The following DLG1 variants were observed in gnomAD, a reference collection of about 807,000 sequenced individuals.
DLG1 encodes the protein disks large homolog 1.
DLG1 carries 42 observed loss-of-function variants against 123.4 expected under a neutral mutation model. That is an observed-to-expected ratio of 0.34 (90% CI 0.27 to 0.44). DLG1 has a LOEUF of 0.44. Ranked by LOEUF, DLG1 falls within the 20% of genes least tolerant of loss-of-function variation. The pLI, the probability that DLG1 is intolerant of heterozygous loss-of-function variation, is 1.00. For synonymous variants in DLG1, 317 were observed against 356.2 expected, an observed-to-expected ratio of 0.89 and a Z score of 1.24; for missense variants, 942 against 1,082.6, an observed-to-expected ratio of 0.87 and a Z score of 1.82.
intron 16 of DLG1, 192 bp downstream of exon 16, chr3:197,085,388 T>C (rs1753708666): frequency 3.5e-6 from 2 of 574,410 alleles, no homozygotes; most frequent in Non-Finnish European, 3.1e-6. Context: ...ACCATTCTTC[T>C]CTGTATGACT....
chr3:197,256,796 A>C (rs1464204819), intron 4 of DLG1, among the ~76,000 whole-genome samples: 1 of 152,216 alleles, frequency 6.6e-6, no homozygotes, highest in African/African-American at 2.4e-5. Context: ...TAAAATGAGG[A>C]GCTAAGACTA....
chr3:197,226,440 T>C (rs1415811588), intron 4 of DLG1: 1 of 152,224 alleles, frequency 6.6e-6, no homozygotes, highest in Non-Finnish European at 1.5e-5. Context: ...AGGGATTCAT[T>C]ACACGGTTCA....
intron 5 of DLG1, among the ~76,000 whole-genome samples, chr3:197,167,774 T>C (rs139626829): frequency 7.2e-5 from 11 of 152,306 alleles, no homozygotes; most frequent in Admixed American, 2.0e-4. Flanking sequence ...CATACATCTA[T>C]GAAGCCACTG....
At chr3:197,213,893 T>C (rs1732615218) in intron 4 of DLG1, among the ~76,000 whole-genome samples, 1 of 152,266 alleles carries the variant, frequency 6.6e-6, no homozygotes, top group South Asian at 2.1e-4. Flanking sequence ...AAAACTGGCA[T>C]ATGAGAAGAA....
At chr3:197,286,946 C>T (rs1029122750) in intron 3 of DLG1, among the ~76,000 whole-genome samples, 2 of 151,512 alleles carry the variant, frequency 1.3e-5, no homozygotes, top group Non-Finnish European at 2.9e-5. Flanking sequence ...AGCTGCAGTA[C>T]AGTAGCGCCT....
intron 11 of DLG1, among the ~76,000 whole-genome samples, chr3:197,120,166 T>C (rs959910803): frequency 2.7e-5 from 4 of 148,618 alleles, no homozygotes; most frequent in Admixed American, 2.0e-4. Flanking sequence ...GAGGCTGAGG[T>C]GGGAGAATTG....
chr3:197,074,127 C>A (rs1344309709), intron 18 of DLG1, among the ~76,000 whole-genome samples: 2 of 152,028 alleles, frequency 1.3e-5, no homozygotes, highest in Non-Finnish European at 2.9e-5. Flanking sequence ...TATGTGATAA[C>A]CTCCATCATA....
chr3:197,252,953 T>G (rs1755172087), intron 4 of DLG1, among the ~76,000 whole-genome samples: 1 of 152,130 alleles, frequency 6.6e-6, no homozygotes, highest in African/African-American at 2.4e-5. Context: ...AAAAAAATAC[T>G]AACCCAAAAT....
chr3:197,197,448 T>C (rs1299760677), intron 4 of DLG1, among the ~76,000 whole-genome samples: 4 of 152,238 alleles, frequency 2.6e-5, no homozygotes. Context: ...ATACTTCACC[T>C]ACTATTTGGT....
intron 16 of DLG1, 128 bp downstream of exon 16, chr3:197,085,452 G>A (rs1753759231): frequency 1.2e-5 from 11 of 911,226 alleles, no homozygotes; most frequent in Middle Eastern, 2.2e-4. Flanking sequence ...TTGTCTTTCT[G>A]TGTCTGGCTT....
intron 4 of DLG1, among the ~76,000 whole-genome samples, chr3:197,225,197 A>G (rs1028538810): frequency 3.3e-5 from 5 of 152,202 alleles, no homozygotes; most frequent in African/African-American, 4.8e-5. Flanking sequence ...TGACCTCATG[A>G]TCTACCTGCC....
intron 18 of DLG1, among the ~76,000 whole-genome samples, chr3:197,072,783 C>T (rs1360211665): frequency 3.3e-5 from 5 of 152,060 alleles, no homozygotes; most frequent in Non-Finnish European, 5.9e-5. Context: ...ACCTTCACCT[C>T]CCGGGTTCAA....
rs575343135 is a variant in DLG1, at chr3:197,123,434, A to C, written c.1166-3904T>G. On this transcript the variant is annotated intron_variant, in intron 11 of 24. Transcript: ENST00000667157. ...AATAAAACCAATGGAAAAATGTAAA[A>C]AGATTTGAACAGACATTGCATTGAA... Among the ~76,000 whole-genome samples the C allele has an allele frequency of 6.9e-4, 105 of 152,328 alleles. 1 individual carries two copies. The highest frequency in any genetic ancestry group is 1.2e-4 in the Non-Finnish European group (8 of 68,008).
intron 4 of DLG1, among the ~76,000 whole-genome samples, chr3:197,247,719 T>C (rs990848013): frequency 1.3e-5 from 2 of 152,206 alleles, no homozygotes; most frequent in African/African-American, 2.4e-5. Context: ...TTTCCAGTAT[T>C]ATTTTAACAT....
Position 197,243,117 on chromosome 3 carries a change from C to T in DLG1, c.318+39562G>A, listed in dbSNP as rs574202052. On this transcript the variant is annotated intron_variant, in intron 4 of 24. Transcript: ENST00000667157. ...AAAGCAGGGGTTTTTATTCCCAATG[C>T]CGTTCCTGTTTCTGTGTCCTCCCCC... Among the ~76,000 whole-genome samples the T allele has an allele frequency of 5.9e-5, 9 of 152,302 alleles. No individual in the cohort carries two copies. The East Asian group carries it at 1.7e-3, about 29-fold the overall frequency.
At chr3:197,225,635 A>G (rs181799380) in intron 4 of DLG1, among the ~76,000 whole-genome samples, 23 of 152,358 alleles carry the variant, frequency 1.5e-4, no homozygotes, top group African/African-American at 5.3e-4. Flanking sequence ...TCATTAATGG[A>G]AAATGACATT....
chr3:197,244,504 C>T lies in DLG1; in HGVS notation c.318+38175G>A, dbSNP rs188413428. Among the ~76,000 whole-genome samples, 548 of 151,932 alleles carry T rather than the reference C, an allele frequency of 3.6e-3. 3 individuals carry two copies. Among genetic ancestry groups the T allele is most frequent in the Non-Finnish European group, 5.6e-3 (381 of 67,970 alleles). On this transcript the variant is annotated intron_variant, in intron 4 of 24. Coordinates refer to ENST00000667157, the MANE Select transcript of DLG1 (RefSeq NM_001366207.1). The stretch of plus-strand genomic sequence containing the variant: ...TGTTTTAGATCTTTTACCTCTACGA[C>T]GGCCACTTTGGTTTTGTTACTGGGT...
At chr3:197,190,502 A>G (rs1004499767) in intron 5 of DLG1, among the ~76,000 whole-genome samples, 4 of 152,310 alleles carry the variant, frequency 2.6e-5, no homozygotes, top group Admixed American at 1.3e-4. Context: ...TCATCCGCAT[A>G]TAAGTGGAGC....
Position 197,149,628 on chromosome 3 carries a change from G to T in DLG1, c.537+115C>A, listed in dbSNP as rs1050891157. On this transcript the variant is annotated intron_variant, in intron 6 of 24. Coordinates refer to ENST00000667157, the MANE Select transcript of DLG1 (RefSeq NM_001366207.1). Reference sequence around the variant, plus strand: ...ATTACAGCTATAGTATATAGTGATAGAACATCTTAAGAGAAATGTATTAGA... The same window carrying T: ...ATTACAGCTATAGTATATAGTGATATAACATCTTAAGAGAAATGTATTAGA... 5 of 759,552 alleles carry T rather than the reference G, an allele frequency of 6.6e-6. No individual in the cohort carries two copies. In the South Asian group the frequency reaches 7.3e-5, roughly 11 times the overall value. The allele number at this position is 759,552 out of a possible 1,614,324, so 47.1% of individuals were successfully genotyped here.
Sources: allele counts gnomAD v4.1 joint callset (sites outside exome capture counted in the v4.1 genomes callset), GRCh38; gene constraint gnomAD v4.1.1; transcripts MANE v1.5; gene names NCBI Gene and HGNC (gene_info 2026-07-23, HGNC 2026-07-21).